The following TOR1AIP1 variants were observed in gnomAD, a reference collection of about 807,000 sequenced individuals.
The protein encoded by TOR1AIP1 is torsin-1A-interacting protein 1.
TOR1AIP1 carries 54 observed loss-of-function variants against 63.3 expected under a neutral mutation model. That is an observed-to-expected ratio of 0.85 (90% CI 0.69 to 1.07). The LOEUF is 1.07. Among genes scored for constraint, TOR1AIP1 ranks in the 50% least tolerant of loss-of-function variants. The pLI is 0.00. For missense variants in TOR1AIP1, 736 were observed against 715.0 expected (o/e 1.03, Z -0.33); for synonymous variants, 294 against 273.5 (o/e 1.07, Z -0.74).
Position 179,907,805 on chromosome 1 carries a change from C to T in TOR1AIP1, c.797-18C>T, listed in dbSNP as rs763829011. 3 of 1,583,048 alleles carry T rather than the reference C, an allele frequency of 1.9e-6. No individual in the cohort carries two copies. Among genetic ancestry groups the T allele is most frequent in the African/African-American group, 1.4e-5 (1 of 73,784 alleles). On this transcript the variant is annotated intron_variant, in intron 6 of 9. Transcript: ENST00000606911. Reference sequence around the variant, plus strand: ...ATTTTCAAGTATTCTATGACCTTATCCCTGTTTTCTGTTTCAGGTCAAAAC... The same window carrying T: ...ATTTTCAAGTATTCTATGACCTTATTCCTGTTTTCTGTTTCAGGTCAAAAC...
At chr1:179,910,603 T>A (rs1162126898) in intron 8 of TOR1AIP1, among the ~76,000 whole-genome samples, 1 of 152,220 alleles carries the variant, frequency 6.6e-6, no homozygotes, top group African/African-American at 2.4e-5. Context: ...TCCTGACCTA[T>A]TATAGTTAGG....
chr1:179,913,806 G>A (rs1648909600), intron 8 of TOR1AIP1, among the ~76,000 whole-genome samples, 192 bp from the exon 9 acceptor site: 1 of 152,176 alleles, frequency 6.6e-6, no homozygotes, highest in Non-Finnish European at 1.5e-5. Flanking sequence ...AGCTATGAAA[G>A]AAATAGGTCA....
intron 2 of TOR1AIP1, among the ~76,000 whole-genome samples, chr1:179,886,327 CTTGAA>C (rs1647906844): frequency 6.6e-6 from 1 of 152,136 alleles, no homozygotes; most frequent in Non-Finnish European, 1.5e-5. Flanking sequence ...AATAGAATGT[CTTGAA>C]TAGTCTTTTT....
At chr1:179,905,366 G>A (rs1336071045) in intron 6 of TOR1AIP1, among the ~76,000 whole-genome samples, 1 of 152,132 alleles carries the variant, frequency 6.6e-6, no homozygotes, top group Non-Finnish European at 1.5e-5. Flanking sequence ...GGGCGACAGA[G>A]TGAGACCCTG....
At chr1:179,910,067 T>C (rs1648784195) in intron 8 of TOR1AIP1, among the ~76,000 whole-genome samples, 1 of 152,200 alleles carries the variant, frequency 6.6e-6, no homozygotes, top group Admixed American at 6.5e-5. Context: ...CCCAGCCTCA[T>C]GTTTAGGTTT....
intron 5 of TOR1AIP1, among the ~76,000 whole-genome samples, chr1:179,902,889 A>G (rs1446140940): frequency 1.3e-5 from 2 of 152,178 alleles, no homozygotes; most frequent in Admixed American, 1.3e-4. Context: ...AGCCATTTAT[A>G]TAGCCAATAG....
chr1:179,884,850 G>A (rs1647867551), intron 2 of TOR1AIP1, 81 bp downstream of exon 2: 1 of 1,128,120 alleles, frequency 8.9e-7, no homozygotes, highest in East Asian at 2.6e-5. Context: ...GTAAGTATGT[G>A]TAAAGAAAAG....
chr1:179,897,864 GAGGC>G (rs1471667417), intron 3 of TOR1AIP1, among the ~76,000 whole-genome samples: 6 of 152,290 alleles, frequency 3.9e-5, no homozygotes, highest in African/African-American at 1.4e-4. Flanking sequence ...TTGGGAGGCT[GAGGC>G]AGGCAGATTA....
At position 179,882,967 on chromosome 1, in the gene TOR1AIP1, T is replaced by A; in HGVS notation, c.465T>A (p.His155Gln). Residue 155 changes from histidine to glutamine, a missense_variant, in exon 1 of 10, where the codon CAT (histidine) becomes CAA (glutamine). Transcript: ENST00000606911. Reference sequence around the variant, plus strand: ...CCAGGAGAGGGCTGCGGGACTCTCATTCCTCTGAAGGTGAGGACCGCGGAG... The same window carrying A: ...CCAGGAGAGGGCTGCGGGACTCTCAATCCTCTGAAGGTGAGGACCGCGGAG... ...VMTRRGLRDS[H>Q]SSEEDEASSQ... 6.2e-7 allele frequency: 1 copy of A among 1,611,700 alleles called. No homozygotes were observed. Among genetic ancestry groups the A allele is most frequent in the Non-Finnish European group, 8.5e-7 (1 of 1,179,230 alleles).
At position 179,904,094 on chromosome 1, in the gene TOR1AIP1, CTT is replaced by C. The variant is rs949538060; in HGVS notation, c.796+75_796+76del. The C allele has an allele frequency of 5.1e-6, 6 of 1,171,922 alleles. No individual in the cohort carries two copies. The African/African-American group carries it at 7.8e-5, about 15-fold the overall frequency. 72.6% of individuals were successfully genotyped at this position (1,171,922 alleles called of 1,614,324 possible). On this transcript the variant is annotated intron_variant, in intron 6 of 9. Transcript: ENST00000606911. ...TGATGTTCCTATTTTTGAAGATCCTCTTTTGAAATTTAACGTAAATATTGAAC... is the reference window on the plus strand; with the variant it reads ...TGATGTTCCTATTTTTGAAGATCCTCTTGAAATTTAACGTAAATATTGAAC...
At chr1:179,906,928 G>A (rs944849168) in intron 6 of TOR1AIP1, among the ~76,000 whole-genome samples, 21 of 151,432 alleles carry the variant, frequency 1.4e-4, no homozygotes, top group African/African-American at 4.1e-4. Flanking sequence ...TAGTAGAGAC[G>A]GGGTTTCACC....
chr1:179,911,869 A>C (rs12062383), intron 8 of TOR1AIP1, among the ~76,000 whole-genome samples: 88,072 of 151,880 alleles, frequency 0.58, 26,377 homozygotes, highest in East Asian at 0.76. Flanking sequence ...TTTCTGTAGA[A>C]TCAATAGCAA....
chr1:179,917,867 G>GGT lies in TOR1AIP1; in HGVS notation c.1381_1382dup (p.Asp462Ter). 1 of 1,614,206 alleles carries GGT rather than the reference G, an allele frequency of 6.2e-7. No individual in the cohort carries two copies. The highest frequency in any genetic ancestry group is 8.5e-7 in the Non-Finnish European group (1 of 1,180,056). On this transcript the variant is annotated frameshift_variant, in exon 10 of 10. Coordinates refer to ENST00000606911, the MANE Select transcript of TOR1AIP1 (RefSeq NM_015602.4). LOFTEE classifies it high-confidence loss of function. The stretch of plus-strand genomic sequence containing the variant: ...AAGACAGTGATACTGTCAAACTAGA[G>GGT]GTAGACCAAGAACTGAGCAATGGAT...
intron 3 of TOR1AIP1, among the ~76,000 whole-genome samples, chr1:179,895,982 G>C (rs749962752): frequency 6.9e-5 from 10 of 144,062 alleles, no homozygotes; most frequent in Non-Finnish European, 1.4e-4. Context: ...TAGCAGCCAA[G>C]TTTAAAATAG....
intron 6 of TOR1AIP1, among the ~76,000 whole-genome samples, chr1:179,906,743 C>CCTTTT (rs1491104735): frequency 2.5e-5 from 1 of 39,854 alleles, no homozygotes; most frequent in African/African-American, 8.4e-5. Flanking sequence ...CCCCCCCCCC[C>CCTTTT]TTTTTTTTTT....
Position 179,907,856 on chromosome 1 carries a change from C to T in TOR1AIP1, c.830C>T (p.Ser277Leu). 6.3e-7 allele frequency: 1 copy of T among 1,578,876 alleles called. No individual in the cohort carries two copies. The highest frequency in any genetic ancestry group is 1.4e-5 in the African/African-American group (1 of 73,326). ...QNFTAHDKQP[S>L]VLSSGYQKTP... ...TTCACAGCTCATGATAAGCAACCTT[C>T]AGTGCTAAGTAAGTAGTTGGTTGTC... Residue 277 changes from serine (S) to leucine (L), a missense_variant, in exon 7 of 10, where the codon TCA (serine) becomes TTA (leucine). Ser to Leu is a moderately radical substitution (Grantham distance 145). Coordinates refer to ENST00000606911, the MANE Select transcript of TOR1AIP1 (RefSeq NM_015602.4).
rs768071403 is a variant in TOR1AIP1 at position 179,897,163 on chromosome 1, C to T, written c.611-2963C>T. 7.1e-4 allele frequency among the ~76,000 whole-genome samples: 108 copies of T among 152,056 alleles called. 1 individual carries two copies. The highest frequency in any genetic ancestry group is 1.9e-4 in the Non-Finnish European group (13 of 68,004). On this transcript the variant is annotated intron_variant, in intron 3 of 9. Coordinates refer to ENST00000606911, the MANE Select transcript of TOR1AIP1 (RefSeq NM_015602.4). Reference sequence around the variant, plus strand: ...AGAATTCTAAAAAAGGATCTTTAGTCACTAGATTAAATCCAGAAGTCTGAA... The same window carrying T: ...AGAATTCTAAAAAAGGATCTTTAGTTACTAGATTAAATCCAGAAGTCTGAA...
At chr1:179,900,228 C>T (rs181454553) in intron 4 of TOR1AIP1, 61 bp downstream of exon 4, 34 of 1,178,584 alleles carry the variant, frequency 2.9e-5, no homozygotes, top group African/African-American at 6.2e-5. Flanking sequence ...ACATTAGAAG[C>T]CATTCTGATA....
chr1:179,903,077 A>G (rs1401618046), intron 5 of TOR1AIP1, among the ~76,000 whole-genome samples: 1 of 152,064 alleles, frequency 6.6e-6, no homozygotes. Flanking sequence ...CAACCTGATC[A>G]CTTTTAAACT....
Sources: gnomAD v4.1 joint callset for allele counts (sites outside exome capture counted in the v4.1 genomes callset) on GRCh38, gnomAD v4.1.1 for gene constraint, MANE v1.5 for transcripts, NCBI Gene and HGNC (gene_info 2026-07-23, HGNC 2026-07-21) for gene names.